CR1L: variants seen among roughly 807,000 people sequenced by gnomAD.
CR1L encodes the protein complement C3b/C4b receptor 1 like.
In CR1L, 59 loss-of-function variants were observed where a neutral mutation model predicts 62.3. The observed-to-expected ratio is 0.95, with a 90% CI of 0.77 to 1.18. The LOEUF is 1.18. Ranked by LOEUF, CR1L falls within the 50% of genes most tolerant of loss-of-function variation. The pLI is 0.00. For synonymous variants in CR1L, 279 were observed against 248.7 expected (o/e 1.12, Z -1.15); for missense variants, 700 against 702.8 (o/e 1.00, Z 0.04).
chr1:207,659,273 C>T (rs1663369769), intron 1 of CR1L: 1 of 152,484 alleles, frequency 6.6e-6, no homozygotes, highest in Admixed American at 6.5e-5. Context: ...CAGCCCCAGG[C>T]CCATTCCCTT....
chr1:207,701,863 A>T, intron 9 of CR1L: 2 of 661,778 alleles, frequency 3.0e-6, no homozygotes, highest in East Asian at 3.1e-5. Context: ...AAGGAAAAAA[A>T]ATTAGGAGTA....
At chr1:207,677,771 C>T (rs558889058) in intron 2 of CR1L, among the ~76,000 whole-genome samples, 5 of 152,110 alleles carry the variant, frequency 3.3e-5, no homozygotes, top group Non-Finnish European at 5.9e-5. Context: ...CATGAGAAAC[C>T]GTCATTGCAG....
At chr1:207,681,912 T>A (rs1298403809) in intron 3 of CR1L, among the ~76,000 whole-genome samples, 1 of 151,706 alleles carries the variant, frequency 6.6e-6, no homozygotes, top group Admixed American at 6.6e-5. Flanking sequence ...CTAGAAGGCA[T>A]TAAAAAACAA....
intron 4 of CR1L, among the ~76,000 whole-genome samples, chr1:207,685,662 C>T (rs544450701): frequency 6.6e-6 from 1 of 152,186 alleles, no homozygotes; most frequent in South Asian, 2.1e-4. Context: ...AGTTCAATGG[C>T]AACAGTTCCC....
chr1:207,714,487 G>A (rs955855430), intron 10 of CR1L, among the ~76,000 whole-genome samples: 7 of 152,084 alleles, frequency 4.6e-5, no homozygotes, highest in Admixed American at 1.3e-4. Flanking sequence ...GGGTTTCACC[G>A]GGATCCGCCC....
intron 1 of CR1L, among the ~76,000 whole-genome samples, chr1:207,649,122 C>T (rs1663182732): frequency 6.6e-6 from 1 of 152,172 alleles, no homozygotes; most frequent in South Asian, 2.1e-4. Context: ...TGACTGATCA[C>T]TGCTTCCCAG....
intron 10 of CR1L, 91 bp from the exon 11 acceptor site, chr1:207,717,372 AT>A: frequency 1.4e-6 from 2 of 1,398,230 alleles, no homozygotes; most frequent in Non-Finnish European, 9.7e-7. Flanking sequence ...AAGAAAAAAA[AT>A]TATATTCATA....
intron 9 of CR1L, 30 bp from the exon 10 acceptor site, chr1:207,708,148 G>C: frequency 6.3e-7 from 1 of 1,595,182 alleles, no homozygotes; most frequent in Admixed American, 1.7e-5. Context: ...GGTATGTACA[G>C]CACAATTATT....
chr1:207,651,250 T>C (rs1663219072), intron 1 of CR1L, among the ~76,000 whole-genome samples: 1 of 150,918 alleles, frequency 6.6e-6, no homozygotes, highest in African/African-American at 2.5e-5. Flanking sequence ...ATACTGTTTT[T>C]CTGGGGGTAG....
chr1:207,693,657 G>T (rs1370913820), intron 4 of CR1L, among the ~76,000 whole-genome samples: 1 of 152,022 alleles, frequency 6.6e-6, no homozygotes, highest in Non-Finnish European at 1.5e-5. Flanking sequence ...TTAGATTTGA[G>T]TAAATGAGTT....
At chr1:207,719,745 C>T (rs754846296) in intron 11 of CR1L, among the ~76,000 whole-genome samples, 24 of 152,168 alleles carry the variant, frequency 1.6e-4, no homozygotes, top group African/African-American at 3.6e-4. Context: ...CACGCACACA[C>T]ACAAGATAGC....
intron 1 of CR1L, among the ~76,000 whole-genome samples, chr1:207,661,847 A>C (rs139035845): frequency 0.018 from 2,703 of 152,272 alleles, 71 homozygotes; most frequent in African/African-American, 0.061. Context: ...CCTGGTGGTG[A>C]CAAAATCTCT....
chr1:207,694,389 G>T lies in CR1L; in HGVS notation c.500G>T (p.Gly167Val), dbSNP rs779244019. 1.2e-6 allele frequency: 2 copies of T among 1,613,824 alleles called. No homozygotes were observed. Among genetic ancestry groups the T allele is most frequent in the Non-Finnish European group, 1.7e-6 (2 of 1,179,886 alleles). Residue 167 changes from glycine (G) to valine (V), a missense_variant, in exon 5 of 12, where the codon GGA (glycine) becomes GTA (valine). Coordinates refer to ENST00000508064, the MANE Select transcript of CR1L (RefSeq NM_175710.2). ...ICGLPPTIANGDFTSISREYF... is the reference protein window; with the variant it reads ...ICGLPPTIANVDFTSISREYF... ...GGGCTACCCCCCACCATCGCCAATG[G>T]AGATTTCACTAGCATCAGCAGAGAG... is the stretch of plus-strand genomic sequence containing the variant.
intron 5 of CR1L, 88 bp from the exon 6 acceptor site, chr1:207,697,415 T>C: frequency 6.2e-7 from 1 of 1,609,714 alleles, no homozygotes; most frequent in South Asian, 1.1e-5. Context: ...TACATATAGA[T>C]TTGTAATTAT....
intron 5 of CR1L, among the ~76,000 whole-genome samples, chr1:207,696,052 C>T (rs1429415641): frequency 2.0e-5 from 3 of 152,140 alleles, no homozygotes; most frequent in Non-Finnish European, 4.4e-5. Flanking sequence ...AATCAGGCAG[C>T]CTCCCTAGCA....
At chr1:207,676,557 A>G (rs1284687875) in intron 1 of CR1L, among the ~76,000 whole-genome samples, 1 of 152,134 alleles carries the variant, frequency 6.6e-6, no homozygotes, top group Admixed American at 6.5e-5. Flanking sequence ...ATTTCCCTGC[A>G]CCCTCCATTC....
intron 1 of CR1L, 85 bp downstream of exon 1, chr1:207,645,415 C>T: frequency 6.9e-7 from 1 of 1,440,646 alleles, no homozygotes; most frequent in South Asian, 1.1e-5. Flanking sequence ...GGGCGAAGCT[C>T]ACTGCACGTC....
chr1:207,678,306 G>A lies in CR1L; in HGVS notation c.377+9G>A, dbSNP rs762665191. 1.4e-5 allele frequency: 22 copies of A among 1,608,954 alleles called. 1 individual carries two copies. In the South Asian group the frequency reaches 2.0e-4, roughly 14 times the overall value. On this transcript the variant is annotated intron_variant, in intron 3 of 11. Transcript: ENST00000508064. ...TATTCTTGTCCTAAAGGGTGAGTTGGCATCTCTTGAACCAACATCTCTTGG... is the reference window on the plus strand; with the variant it reads ...TATTCTTGTCCTAAAGGGTGAGTTGACATCTCTTGAACCAACATCTCTTGG...
At chr1:207,697,733 C>A in intron 6 of CR1L, 38 bp from the exon 7 acceptor site, 1 of 1,614,054 alleles carries the variant, frequency 6.2e-7, no homozygotes, top group Non-Finnish European at 8.5e-7. Flanking sequence ...TTATTCTCCA[C>A]ATGCCAGTTA....
Sources: gnomAD v4.1 joint callset for allele counts (sites outside exome capture counted in the v4.1 genomes callset) on GRCh38, gnomAD v4.1.1 for gene constraint, MANE v1.5 for transcripts, NCBI Gene and HGNC (gene_info 2026-07-23, HGNC 2026-07-21) for gene names.